The following ZNF525 variants were observed in gnomAD, a reference collection of about 807,000 sequenced individuals.
The protein encoded by ZNF525 is zinc finger protein 525.
A neutral mutation model predicts 37.6 loss-of-function variants in ZNF525; 33 were observed. That is an observed-to-expected ratio of 0.88 (90% CI 0.67 to 1.17). The LOEUF (loss-of-function observed/expected upper bound fraction) is 1.17, where lower values mean the gene tolerates loss of function less well. ZNF525 is among the 50% of genes most tolerant of loss of function. The pLI is 0.00. For missense variants in ZNF525, 449 were observed against 543.1 expected (o/e 0.83, Z 1.72); for synonymous variants, 170 against 182.3 (o/e 0.93, Z 0.54).
At position 53,380,744 on chromosome 19, in the gene ZNF525, G is replaced by A. The variant is rs2085553265; in HGVS notation, c.165G>A (p.Met55Ile). Residue 55 changes from methionine to isoleucine, a missense_variant, in exon 4 of 4, where the codon ATG becomes ATA. Met to Ile is a conservative substitution (Grantham distance 10, BLOSUM62 1). Transcript: ENST00000474037. ...VSLGISSKCT[M>I]KEFSSTAQGN... is the part of the protein sequence containing the mutation. ...TAGGTATCTCTTCCAAATGCACAAT[G>A]AAGGAGTTCTCATCAACAGCACAAG... The A allele has an allele frequency of 3.2e-6, 4 of 1,264,566 alleles. No individual in the cohort carries two copies. The East Asian group carries it at 9.3e-5, about 29-fold the overall frequency. 78.3% of individuals were successfully genotyped at this position (1,264,566 alleles called of 1,614,324 possible). A position where few individuals can be genotyped will look rare whatever the true frequency, so the allele number is the denominator to read the frequency against.
chr19:53,380,902 G>T lies in ZNF525; in HGVS notation c.323G>T (p.Gly108Val). The T allele has an allele frequency of 6.7e-7, 1 of 1,486,192 alleles. No individual in the cohort carries two copies. Among genetic ancestry groups the T allele is most frequent in the Non-Finnish European group, 9.4e-7 (1 of 1,063,558 alleles). The allele number at this position is 1,486,192 out of a possible 1,614,324, so 92.1% of individuals were successfully genotyped here. A position where few individuals can be genotyped will look rare whatever the true frequency, so the allele number is the denominator to read the frequency against. The stretch of plus-strand genomic sequence containing the variant: ...CAGTGGCAAGAAGATGAAAGAAATG[G>T]CCATGAAGCACCCATGACAAAAATC... Reference protein sequence around the residue: ...EFQWQEDERNGHEAPMTKIKK... With the variant: ...EFQWQEDERNVHEAPMTKIKK... Residue 108 changes from glycine to valine, a missense_variant, in exon 4 of 4, where the codon GGC (glycine) becomes GTC (valine). Transcript: ENST00000474037.
chr19:53,372,019 G>T (rs1342077017), intron 1 of ZNF525, among the ~76,000 whole-genome samples, 196 bp from the exon 2 acceptor site: 1 of 152,110 alleles, frequency 6.6e-6, no homozygotes, highest in Admixed American at 6.5e-5. Flanking sequence ...CCCCACTGCT[G>T]CAGCGTGTGT....
rs1282250283 is a variant in ZNF525, at chr19:53,384,806, A to G, written c.*2787A>G. On this transcript the variant is annotated 3_prime_UTR_variant, in exon 4 of 4. Coordinates refer to ENST00000474037, the MANE Select transcript of ZNF525 (RefSeq NM_001348156.2). ...CTTTTGCTATTTAATTGCTCTGGCT[A>G]GGACAGGCAGTATTGATTGAATAGA... is the stretch of plus-strand genomic sequence containing the variant. 7 of 555,304 alleles carry G rather than the reference A, an allele frequency of 1.3e-5. No homozygotes were observed. The highest frequency in any genetic ancestry group is 2.2e-5 in the Non-Finnish European group (7 of 315,676). 34.4% of individuals were successfully genotyped at this position (555,304 alleles called of 1,614,324 possible). A position where few individuals can be genotyped will look rare whatever the true frequency, so the allele number is the denominator to read the frequency against.
Position 53,380,742 on chromosome 19 carries a change from A to G in ZNF525, c.163A>G (p.Met55Val), listed in dbSNP as rs1450341390. The G allele has an allele frequency of 1.6e-6, 2 of 1,259,336 alleles. No homozygotes were observed. The highest frequency in any genetic ancestry group is 1.2e-6 in the Non-Finnish European group (1 of 864,110). The allele number at this position is 1,259,336 out of a possible 1,614,324, so 78.0% of individuals were successfully genotyped here. ...VSLGISSKCT[M>V]KEFSSTAQGN... ...TGTAGGTATCTCTTCCAAATGCACA[A>G]TGAAGGAGTTCTCATCAACAGCACA... Residue 55 changes from methionine to valine, a missense_variant, in exon 4 of 4, where the codon ATG (methionine) becomes GTG (valine). Physicochemically the swap from Met to Val is conservative, Grantham distance 21 (BLOSUM62 1). This residue lies in a region of ZNF525 where 271 missense variants were observed against 381.6 expected (regional missense o/e 0.71). Coordinates refer to ENST00000474037, the MANE Select transcript of ZNF525 (RefSeq NM_001348156.2).
At position 53,386,372 on chromosome 19, in the gene ZNF525, C is replaced by A. The variant is rs373480725; in HGVS notation, c.*4353C>A. ...TCCAAAAGGAGACATTGGAGAAGAA[C>A]CAAGCTGGGTCTATAAGGAATTGCA... On this transcript the variant is annotated 3_prime_UTR_variant, in exon 4 of 4. Transcript: ENST00000474037. 6.9e-6 allele frequency: 6 copies of A among 872,054 alleles called. No individual in the cohort carries two copies. The East Asian group carries it at 1.3e-4, about 18-fold the overall frequency. The allele number at this position is 872,054 out of a possible 1,614,324, so 54.0% of individuals were successfully genotyped here. A position where few individuals can be genotyped will look rare whatever the true frequency, so the allele number is the denominator to read the frequency against.
chr19:53,386,508 GT>G lies in ZNF525; in HGVS notation c.*4495del, dbSNP rs547081955. ...GTTGGACATGTTTTATTGGGAATAT[GT>G]TTTTTCTCTGTAAATTTGTTATAAA... is the stretch of plus-strand genomic sequence containing the variant. On this transcript the variant is annotated 3_prime_UTR_variant, in exon 4 of 4. Transcript: ENST00000474037. The G allele has an allele frequency of 7.0e-5, 40 of 574,692 alleles. No individual in the cohort carries two copies. The highest frequency in any genetic ancestry group is 5.3e-4 in the African/African-American group (28 of 52,416). The allele number at this position is 574,692 out of a possible 1,614,324, so 35.6% of individuals were successfully genotyped here.
chr19:53,370,124 T>C (rs1245386286), intron 1 of ZNF525, among the ~76,000 whole-genome samples: 2 of 150,244 alleles, frequency 1.3e-5, no homozygotes, highest in African/African-American at 2.4e-5. Flanking sequence ...CAGGCCCCCA[T>C]GTAATAATTC....
At position 53,382,529 on chromosome 19, in the gene ZNF525, T is replaced by A. The variant is rs2085574500; in HGVS notation, c.*510T>A. ...AGACCTTCAGTAAGGAGTTAACACATGCCATCATAGACGTCATACTGGAGA... is the reference window on the plus strand; with the variant it reads ...AGACCTTCAGTAAGGAGTTAACACAAGCCATCATAGACGTCATACTGGAGA... On this transcript the variant is annotated 3_prime_UTR_variant, in exon 4 of 4. Coordinates refer to ENST00000474037, the MANE Select transcript of ZNF525 (RefSeq NM_001348156.2). The A allele has an allele frequency of 7.4e-6, 5 of 671,670 alleles. No individual in the cohort carries two copies. Among genetic ancestry groups the A allele is most frequent in the Non-Finnish European group, 1.4e-5 (5 of 358,656 alleles). The allele number at this position is 671,670 out of a possible 1,614,324, so 41.6% of individuals were successfully genotyped here.
At position 53,381,649 on chromosome 19, in the gene ZNF525, G is replaced by A. The variant is rs1469512374; in HGVS notation, c.1070G>A (p.Cys357Tyr). The change falls in exon 4 of 4, where the codon TGT becomes TAT. Residue 357 changes from cysteine (C) to tyrosine (Y), a missense_variant. Cys to Tyr is a radical substitution (Grantham distance 194, BLOSUM62 -2). This residue lies in a region of ZNF525 where 178 missense variants were observed against 161.5 expected (regional missense o/e 1.10). Coordinates refer to ENST00000474037, the MANE Select transcript of ZNF525 (RefSeq NM_001348156.2). ...SIHTGKKPYE[C>Y]EECDKAFSFK... Reference sequence around the variant, plus strand: ...CATACTGGAAAGAAACCTTACGAATGTGAAGAATGTGACAAAGCTTTCAGT... The same window carrying A: ...CATACTGGAAAGAAACCTTACGAATATGAAGAATGTGACAAAGCTTTCAGT... 2.7e-6 allele frequency: 3 copies of A among 1,125,404 alleles called. No individual in the cohort carries two copies. Among genetic ancestry groups the A allele is most frequent in the South Asian group, 2.5e-5 (2 of 81,020 alleles). The allele number at this position is 1,125,404 out of a possible 1,614,324, so 69.7% of individuals were successfully genotyped here.
chr19:53,370,248 T>C (rs947576972), intron 1 of ZNF525, among the ~76,000 whole-genome samples: 2 of 150,202 alleles, frequency 1.3e-5, no homozygotes, highest in African/African-American at 4.9e-5. Context: ...GTGAAACCCC[T>C]TCTCTACTAA....
chr19:53,373,686 G>A (rs906766860), intron 2 of ZNF525, among the ~76,000 whole-genome samples: 10 of 151,824 alleles, frequency 6.6e-5, no homozygotes, highest in African/African-American at 2.2e-4. Context: ...ACCAGGCATG[G>A]TGGCGCATGC....
rs186241711 is a variant in ZNF525 at position 53,374,266 on chromosome 19, T to C, written c.16-1504T>C. 4.4e-3 allele frequency among the ~76,000 whole-genome samples: 668 copies of C among 152,340 alleles called. 5 individuals carry two copies. The highest frequency in any genetic ancestry group is 7.9e-3 in the Admixed American group (121 of 15,304). On this transcript the variant is annotated intron_variant, in intron 2 of 3. Coordinates refer to ENST00000474037, the MANE Select transcript of ZNF525 (RefSeq NM_001348156.2). ...ACCTCAGTGTGTTTTGTTTTCTTCT[T>C]TGTGTTCCAGGAAATATTTTACCTT...
chr19:53,377,092 C>G (rs903491755), intron 3 of ZNF525, among the ~76,000 whole-genome samples: 1 of 152,162 alleles, frequency 6.6e-6, no homozygotes, highest in Admixed American at 6.5e-5. Flanking sequence ...TTTTTTCATG[C>G]TTTTTTCTTC....
At chr19:53,373,962 A>C (rs553827495) in intron 2 of ZNF525, among the ~76,000 whole-genome samples, 3 of 152,284 alleles carry the variant, frequency 2.0e-5, no homozygotes, top group African/African-American at 7.2e-5. Context: ...GCCCAACTGC[A>C]ACCTCTGCAT....
intron 3 of ZNF525, among the ~76,000 whole-genome samples, chr19:53,377,556 C>CT (rs1437577508): frequency 0.14 from 17,468 of 128,202 alleles, 1,375 homozygotes; most frequent in South Asian, 0.19. Flanking sequence ...TCTTTCATTT[C>CT]TTTTTTTTTT....
intron 1 of ZNF525, among the ~76,000 whole-genome samples, chr19:53,370,281 G>T (rs116181408): frequency 2.0e-5 from 3 of 151,154 alleles, no homozygotes; most frequent in Non-Finnish European, 4.4e-5. Flanking sequence ...TTAGCCAGAT[G>T]TTGGGTGGAT....
Position 53,386,357 on chromosome 19 carries a change from G to C in ZNF525, c.*4338G>C. 1 of 852,360 alleles carries C rather than the reference G, an allele frequency of 1.2e-6. No individual in the cohort carries two copies. Among genetic ancestry groups the C allele is most frequent in the South Asian group, 1.3e-5 (1 of 76,418 alleles). The allele number at this position is 852,360 out of a possible 1,614,324, so 52.8% of individuals were successfully genotyped here. On this transcript the variant is annotated 3_prime_UTR_variant, in exon 4 of 4. Coordinates refer to ENST00000474037, the MANE Select transcript of ZNF525 (RefSeq NM_001348156.2). ...AAAATCAGGTACGACTCCAAAAGGA[G>C]ACATTGGAGAAGAACCAAGCTGGGT...
Position 53,375,895 on chromosome 19 carries a change from G to A in ZNF525, c.141G>A (p.Leu47=), listed in dbSNP as rs772389867. ...AGAATTATAGGAACCTGGTCTCCCT[G>A]GGTGAGGATAACTTCCCTCCAGAAG... The part of the protein sequence containing the change: ...MLENYRNLVS[L]GISSKCTMKE... Residue 47 remains leucine, a splice_region_variant and synonymous_variant, in exon 3 of 4, where the codon CTG becomes CTA. Transcript: ENST00000474037. 1.9e-6 allele frequency: 3 copies of A among 1,613,514 alleles called. No homozygotes were observed. The highest frequency in any genetic ancestry group is 3.3e-5 in the Admixed American group (2 of 59,836).
chr19:53,380,236 G>T (rs566259744), intron 3 of ZNF525, among the ~76,000 whole-genome samples: 2 of 151,830 alleles, frequency 1.3e-5, no homozygotes, highest in African/African-American at 4.8e-5. Context: ...GAGTACAGAC[G>T]TGCACCACCA....
Sources: gnomAD v4.1 joint callset for allele counts (sites outside exome capture counted in the v4.1 genomes callset) on GRCh38, gnomAD v4.1.1 for gene constraint, gnomAD v4.1.1 regional missense constraint, MANE v1.5 for transcripts, NCBI Gene and HGNC (gene_info 2026-07-23, HGNC 2026-07-21) for gene names.